Variants in COL4A5 observed in about 807,000 individuals in gnomAD.
COL4A5 encodes collagen type IV alpha 5 chain, also known as collagen alpha-5(IV) chain.
Under a neutral mutation model 130.2 loss-of-function variants are expected in COL4A5, and 26 were observed. The observed-to-expected ratio is 0.20, with a 90% CI of 0.15 to 0.28. The LOEUF (loss-of-function observed/expected upper bound fraction) is 0.28. Among genes scored for constraint, COL4A5 ranks in the 10% least tolerant of loss-of-function variants. COL4A5 has a pLI of 1.00. For missense variants in COL4A5, 1,131 were observed against 1,344.3 expected (o/e 0.84, Z 2.48); for synonymous variants, 496 against 439.6 (o/e 1.13, Z -1.60).
chrX:108,614,542 C>T (rs113682994), intron 29 of COL4A5, among the ~76,000 whole-genome samples: 1,685 of 110,763 alleles, frequency 0.015, 23 homozygotes, highest in Middle Eastern at 0.038. Flanking sequence ...AAGCCATGGC[C>T]CTGAGTTAGT....
At chrX:108,628,572 T>G (rs2067194884) in intron 36 of COL4A5, among the ~76,000 whole-genome samples, 1 of 111,874 alleles carries the variant, frequency 8.9e-6, no homozygotes, top group Non-Finnish European at 1.9e-5. Context: ...TTATACTCTT[T>G]GCCTCACTGT....
chrX:108,459,931 T>C (rs1006161354), intron 1 of COL4A5, among the ~76,000 whole-genome samples: 1 of 112,299 alleles, frequency 8.9e-6, no homozygotes, highest in Non-Finnish European at 1.9e-5. Context: ...ACAAGAAATA[T>C]GTAGGTCTTA....
chrX:108,689,802 GAGAAA>G, intron 49 of COL4A5: 1 of 754,098 alleles, frequency 1.3e-6, no homozygotes, highest in Non-Finnish European at 1.6e-6. Context: ...TTCTGTCTGG[GAGAAA>G]AGAAAAACAT....
intron 1 of COL4A5, among the ~76,000 whole-genome samples, chrX:108,534,131 T>C (rs1023101415): frequency 4.6e-5 from 5 of 108,159 alleles, no homozygotes; most frequent in African/African-American, 1.7e-4. Context: ...TGTATGGATA[T>C]TTAAAAGAAA....
intron 6 of COL4A5, 109 bp downstream of exon 6, chrX:108,568,930 T>A: frequency 3.1e-6 from 2 of 642,816 alleles, no homozygotes; most frequent in Non-Finnish European, 5.1e-6. Context: ...TGTCTTCAGG[T>A]CTTGGCTATT....
At chrX:108,469,442 G>T (rs752199238) in intron 1 of COL4A5, among the ~76,000 whole-genome samples, 3 of 110,069 alleles carry the variant, frequency 2.7e-5, no homozygotes, top group Non-Finnish European at 5.7e-5. Context: ...ATCATGCCTG[G>T]CTCATAGTAT....
intron 31 of COL4A5, among the ~76,000 whole-genome samples, chrX:108,620,960 T>C (rs964609954): frequency 2.7e-5 from 3 of 111,321 alleles, no homozygotes; most frequent in Admixed American, 9.5e-5. Context: ...AGTGAGTGTT[T>C]CAGGAACTAC....
At chrX:108,468,878 GAGTT>G (rs1164757718) in intron 1 of COL4A5, among the ~76,000 whole-genome samples, 2 of 110,327 alleles carry the variant, frequency 1.8e-5, no homozygotes, top group Non-Finnish European at 3.8e-5. Context: ...TTTATAGAAT[GAGTT>G]AGGTAGTGCT....
chrX:108,646,976 G>T (rs189008074), intron 36 of COL4A5, among the ~76,000 whole-genome samples: 10,285 of 109,431 alleles, frequency 0.094, 1,261 homozygotes, highest in African/African-American at 0.31. Context: ...CTGTTTTGGT[G>T]ACTGTAGCCT....
intron 1 of COL4A5, among the ~76,000 whole-genome samples, chrX:108,451,272 C>T (rs1204104288): frequency 9.1e-6 from 1 of 110,154 alleles, no homozygotes; most frequent in Non-Finnish European, 1.9e-5. Context: ...GGTTCCAAGT[C>T]TTTGCTATTG....
chrX:108,550,851 A>T (rs1015105410), intron 2 of COL4A5, among the ~76,000 whole-genome samples: 1 of 111,819 alleles, frequency 8.9e-6, no homozygotes. Context: ...AAACCAACAA[A>T]CTAAGATCAG....
At chrX:108,612,612 G>A (rs1465314842) in intron 29 of COL4A5, among the ~76,000 whole-genome samples, 1 of 111,771 alleles carries the variant, frequency 8.9e-6, no homozygotes, top group African/African-American at 3.2e-5. Flanking sequence ...TGCAGGCTTT[G>A]TATGTGGAAA....
intron 3 of COL4A5, among the ~76,000 whole-genome samples, chrX:108,561,342 A>G (rs1446674106): frequency 9.0e-6 from 1 of 111,561 alleles, no homozygotes; most frequent in Non-Finnish European, 1.9e-5. Context: ...AGCCCCATGG[A>G]TCAGCTCATG....
intron 1 of COL4A5, among the ~76,000 whole-genome samples, chrX:108,487,751 GT>G (rs1013943168): frequency 2.7e-5 from 3 of 112,077 alleles, no homozygotes; most frequent in African/African-American, 9.7e-5. Context: ...ACCAAATATT[GT>G]CTTTTGGAGC....
At chrX:108,442,511 A>G (rs1268337767) in intron 1 of COL4A5, among the ~76,000 whole-genome samples, 2 of 112,090 alleles carry the variant, frequency 1.8e-5, no homozygotes, top group Non-Finnish European at 3.8e-5. Flanking sequence ...ATTCACTGTC[A>G]GTGGGATATG....
rs142303596 is a variant in COL4A5 at position 108,587,053 on chromosome X, T to G, written c.1165+306T>G. ...TATTTTAATACATGAGTCCAATGTA[T>G]AATGATTAAATCAAGGTAACTAGAA... is the stretch of plus-strand genomic sequence containing the variant. On this transcript the variant is annotated intron_variant, in intron 19 of 52. Transcript: ENST00000328300. Among the ~76,000 whole-genome samples the G allele has an allele frequency of 6.8e-4, 76 of 111,875 alleles. 1 individual carries two copies. The East Asian group carries it at 0.02, about 30-fold the overall frequency.
chrX:108,548,679 C>T (rs1440104358), intron 2 of COL4A5, among the ~76,000 whole-genome samples: 2 of 111,030 alleles, frequency 1.8e-5, no homozygotes, highest in Non-Finnish European at 3.8e-5. Flanking sequence ...CTAGGCCCAT[C>T]ATAATGAAAC....
chrX:108,662,300 C>T (rs2067976356), intron 37 of COL4A5, among the ~76,000 whole-genome samples: 1 of 110,647 alleles, frequency 9.0e-6, no homozygotes, highest in Non-Finnish European at 1.9e-5. Flanking sequence ...AAAAAATCAA[C>T]ACCGCATGTT....
chrX:108,647,642 G>A (rs1318529984), intron 36 of COL4A5, among the ~76,000 whole-genome samples: 4 of 111,434 alleles, frequency 3.6e-5, no homozygotes, highest in African/African-American at 1.3e-4. Context: ...GTGAGAGAGG[G>A]CATCCCTGTC....
Sources: allele counts gnomAD v4.1 joint callset (sites outside exome capture counted in the v4.1 genomes callset), GRCh38; gene constraint gnomAD v4.1.1; transcripts MANE v1.5; gene names NCBI Gene and HGNC (gene_info 2026-07-23, HGNC 2026-07-21).